UIMC1: variants seen among roughly 807,000 people sequenced by gnomAD.
The protein encoded by UIMC1 is BRCA1-A complex subunit RAP80.
UIMC1 carries 42 observed loss-of-function variants against 84.9 expected under a neutral mutation model. The ratio of observed to expected loss-of-function variants is 0.49; its 90% CI spans 0.39 to 0.64. The LOEUF (loss-of-function observed/expected upper bound fraction) is 0.64, where lower values mean the gene tolerates loss of function less well. Ranked by LOEUF, UIMC1 falls within the 30% of genes least tolerant of loss-of-function variation. The probability of loss-of-function intolerance (pLI) is 0.00; values close to 1 mark genes in which losing one functional copy is unlikely to be tolerated. For synonymous variants in UIMC1, 281 were observed against 293.0 expected, an observed-to-expected ratio of 0.96 and a Z score of 0.42; for missense variants, 825 against 847.6, an observed-to-expected ratio of 0.97 and a Z score of 0.33.
intron 10 of UIMC1, among the ~76,000 whole-genome samples, chr5:176,915,628 G>C (rs767790978): frequency 7.3e-5 from 11 of 151,410 alleles, no homozygotes; most frequent in Non-Finnish European, 1.2e-4. Context: ...GCTAATTTTT[G>C]TATTTTTAGT....
At chr5:176,937,105 T>C (rs1248407189) in intron 10 of UIMC1, among the ~76,000 whole-genome samples, 2 of 152,186 alleles carry the variant, frequency 1.3e-5, no homozygotes, top group Non-Finnish European at 2.9e-5. Flanking sequence ...CAATTGGCCT[T>C]AGATACATTT....
chr5:176,991,508 C>T (rs996773103), intron 1 of UIMC1, among the ~76,000 whole-genome samples: 5 of 151,200 alleles, frequency 3.3e-5, no homozygotes, highest in African/African-American at 9.7e-5. Flanking sequence ...CACCTGAGGT[C>T]GGGAGCTCAA....
intron 2 of UIMC1, among the ~76,000 whole-genome samples, chr5:176,977,410 G>A (rs1456823258): frequency 2.0e-5 from 3 of 151,600 alleles, no homozygotes; most frequent in Non-Finnish European, 2.9e-5. Context: ...TCCAAAACGT[G>A]CGTTCTTCTC....
rs570316145 is a variant in UIMC1 at position 176,913,120 on chromosome 5, G to A, written c.1598-1731C>T. Among the ~76,000 whole-genome samples, 15 of 152,256 alleles carry A rather than the reference G, an allele frequency of 9.9e-5. No individual in the cohort carries two copies. The South Asian group carries it at 2.7e-3, about 27-fold the overall frequency. On this transcript the variant is annotated intron_variant, in intron 10 of 14. Transcript: ENST00000511320. Reference sequence around the variant, plus strand: ...CACCTCTTTGAACACTTAACAAGCTGCATTACAACATCTTGGATTTACTCA... The same window carrying A: ...CACCTCTTTGAACACTTAACAAGCTACATTACAACATCTTGGATTTACTCA...
At chr5:176,928,776 C>G (rs1762708078) in intron 10 of UIMC1, among the ~76,000 whole-genome samples, 3 of 151,766 alleles carry the variant, frequency 2.0e-5, no homozygotes. Context: ...ATGGTGAAAC[C>G]CCGTCTCTAC....
chr5:176,962,546 GC>G (rs1199946091), intron 6 of UIMC1, among the ~76,000 whole-genome samples: 3 of 107,598 alleles, frequency 2.8e-5, no homozygotes, highest in Middle Eastern at 4.3e-3. Flanking sequence ...CCCCCGCCCG[GC>G]CAGCCGCCCC....
intron 1 of UIMC1, among the ~76,000 whole-genome samples, chr5:177,002,928 T>G (rs1774744687): frequency 6.6e-6 from 1 of 152,166 alleles, no homozygotes; most frequent in African/African-American, 2.4e-5. Context: ...GCACTTGCAC[T>G]TTTGTCTCCT....
At chr5:176,951,366 A>T in intron 9 of UIMC1, 108 bp downstream of exon 9, 1 of 793,936 alleles carries the variant, frequency 1.3e-6, no homozygotes. Flanking sequence ...CCCCAAAACT[A>T]AAACCCCCTG....
In UIMC1 at chr5:177,016,039, T is replaced by A. The variant is rs537775656; in HGVS notation, c.-9+6425A>T. 6.7e-5 allele frequency among the ~76,000 whole-genome samples: 10 copies of A among 148,502 alleles called. No individual in the cohort carries two copies. The South Asian group carries it at 1.9e-3, about 29-fold the overall frequency. ...CCGAGACCACGCTACCACATTCCAGTCTGGGCAACAGAAGAAGACTCCATC... is the reference window on the plus strand; with the variant it reads ...CCGAGACCACGCTACCACATTCCAGACTGGGCAACAGAAGAAGACTCCATC... On this transcript the variant is annotated intron_variant, in intron 1 of 5. Transcript: ENST00000509236.
At chr5:176,956,919 G>A (rs151321851) in intron 7 of UIMC1, among the ~76,000 whole-genome samples, 148 of 152,156 alleles carry the variant, frequency 9.7e-4, no homozygotes, top group African/African-American at 3.5e-3. Context: ...CAGCCAGACA[G>A]TTTACTCTGC....
chr5:177,010,071 C>G (rs759360117), upstream of UIMC1, among the ~76,000 whole-genome samples: 4 of 151,786 alleles, frequency 2.6e-5, no homozygotes, highest in African/African-American at 4.8e-5. Context: ...AAACAAGTAG[C>G]CGCATGTGGT....
intron 1 of UIMC1, chr5:177,002,132 CA>C (rs1195653458): frequency 2.1e-3 from 269 of 128,988 alleles, no homozygotes; most frequent in African/African-American, 4.4e-3. Flanking sequence ...AAAAAAAAAA[CA>C]AAAAAAAAAA....
At chr5:177,020,094 T>C (rs1775756814) in intron 1 of UIMC1, among the ~76,000 whole-genome samples, 1 of 152,214 alleles carries the variant, frequency 6.6e-6, no homozygotes, top group Non-Finnish European at 1.5e-5. Context: ...CAATGAGCTA[T>C]ATGATCTCAA....
chr5:176,909,995 C>T (rs1759909269), intron 11 of UIMC1, among the ~76,000 whole-genome samples: 1 of 152,138 alleles, frequency 6.6e-6, no homozygotes, highest in Admixed American at 6.5e-5. Flanking sequence ...CAATGACTGG[C>T]ACATAATATT....
Position 176,982,587 on chromosome 5 carries a change from T to C in UIMC1, c.29A>G (p.Glu10Gly), listed in dbSNP as rs1384032889. Residue 10 changes from glutamate (E) to glycine (G), a missense_variant, in exon 2 of 15, where the codon GAA (glutamate) becomes GGA (glycine). By Grantham distance (98) the Glu-to-Gly change is moderately conservative. Coordinates refer to ENST00000511320, the MANE Select transcript of UIMC1 (RefSeq NM_001199298.2). ...CTCCAGGTTCCGAGATTCGGAGACT[T>C]CTTTAACTTTTTTCTTTCTCCGTGG... Reference protein sequence around the residue: MPRRKKKVKEVSESRNLEKK... With the variant: MPRRKKKVKGVSESRNLEKK... The C allele has an allele frequency of 6.2e-6, 10 of 1,613,838 alleles. No homozygotes were observed. The highest frequency in any genetic ancestry group is 8.5e-6 in the Non-Finnish European group (10 of 1,179,982).
chr5:176,939,101 T>A (rs373751149), intron 10 of UIMC1, among the ~76,000 whole-genome samples: 1 of 150,532 alleles, frequency 6.6e-6, no homozygotes, highest in Non-Finnish European at 1.5e-5. Context: ...AAAGAAAATA[T>A]AAAAAACTAG....
intron 3 of UIMC1, among the ~76,000 whole-genome samples, chr5:176,973,044 T>C (rs1317773377): frequency 4.0e-5 from 6 of 151,464 alleles, no homozygotes. Context: ...GCCTCCGAAG[T>C]AGTTGGGATT....
At chr5:176,998,235 C>T (rs1486963235) in intron 1 of UIMC1, among the ~76,000 whole-genome samples, 3 of 151,768 alleles carry the variant, frequency 2.0e-5, no homozygotes, top group Admixed American at 6.6e-5. Context: ...CCAGCACTTT[C>T]GGCAGATCAT....
intron 1 of UIMC1, among the ~76,000 whole-genome samples, chr5:176,983,426 G>C (rs1313520726): frequency 6.6e-6 from 1 of 151,968 alleles, no homozygotes; most frequent in East Asian, 1.9e-4. Context: ...GTGGAGACCG[G>C]GTTTCGCCAT....
Sources: allele counts gnomAD v4.1 joint callset (sites outside exome capture counted in the v4.1 genomes callset), GRCh38; gene constraint gnomAD v4.1.1; transcripts MANE v1.5; gene names NCBI Gene and HGNC (gene_info 2026-07-23, HGNC 2026-07-21).